The following SENP7 variants were observed in gnomAD, a reference collection of about 807,000 sequenced individuals.
The protein encoded by SENP7 is SUMO specific peptidase 7.
In SENP7, 64 loss-of-function variants were observed where a neutral mutation model predicts 141.2. The observed-to-expected ratio is 0.45, with a 90% CI of 0.37 to 0.56. The LOEUF (loss-of-function observed/expected upper bound fraction) is 0.56, where lower values mean the gene tolerates loss of function less well. Ranked by LOEUF, SENP7 falls within the 20% of genes least tolerant of loss-of-function variation. SENP7 has a pLI of 0.00. For missense variants in SENP7, 1,025 were observed against 1,212.2 expected, an observed-to-expected ratio of 0.85 and a Z score of 2.29; for synonymous variants, 382 against 426.4, an observed-to-expected ratio of 0.90 and a Z score of 1.28.
At chr3:101,356,429 C>T (rs1204286454) in intron 11 of SENP7, among the ~76,000 whole-genome samples, 1 of 152,046 alleles carries the variant, frequency 6.6e-6, no homozygotes, top group East Asian at 1.9e-4. Flanking sequence ...TCATTATTCA[C>T]TTTTCAAAAA....
At chr3:101,464,404 C>T (rs1168454716) in intron 3 of SENP7, among the ~76,000 whole-genome samples, 4 of 152,146 alleles carry the variant, frequency 2.6e-5, no homozygotes, top group Admixed American at 2.0e-4. Flanking sequence ...GAAACTTCAC[C>T]TGTATTTACA....
chr3:101,458,290 T>C (rs1317411612), intron 4 of SENP7, among the ~76,000 whole-genome samples: 2 of 152,228 alleles, frequency 1.3e-5, no homozygotes, highest in African/African-American at 2.4e-5. Context: ...TCTTCTAAAT[T>C]TGTGTGACTT....
intron 13 of SENP7, 88 bp from the exon 14 acceptor site, chr3:101,344,042 G>A: frequency 1.1e-6 from 1 of 932,038 alleles, no homozygotes; most frequent in Non-Finnish European, 1.6e-6. Context: ...TAATAGTAAG[G>A]TTGGAATATA....
intron 17 of SENP7, among the ~76,000 whole-genome samples, chr3:101,334,066 C>G (rs1269871572): frequency 6.6e-6 from 1 of 152,166 alleles, no homozygotes; most frequent in Non-Finnish European, 1.5e-5. Flanking sequence ...TGCCACTGAT[C>G]TGATAGGAGG....
At chr3:101,495,992 C>G (rs999969262) in intron 2 of SENP7, among the ~76,000 whole-genome samples, 3 of 152,104 alleles carry the variant, frequency 2.0e-5, no homozygotes, top group Admixed American at 2.0e-4. Context: ...TATCTACTGA[C>G]CAATGCTTTA....
intron 4 of SENP7, among the ~76,000 whole-genome samples, chr3:101,429,628 T>C (rs765571774): frequency 6.6e-6 from 1 of 152,214 alleles, no homozygotes; most frequent in Non-Finnish European, 1.5e-5. Context: ...AATCATGCCA[T>C]CTGTAAACAG....
At chr3:101,400,303 T>C (rs564601385) in intron 5 of SENP7, among the ~76,000 whole-genome samples, 1 of 152,284 alleles carries the variant, frequency 6.6e-6, no homozygotes, top group East Asian at 1.9e-4. Context: ...AAACAATATA[T>C]AGAAAGAGCC....
At chr3:101,401,993 C>G (rs2061157422) in intron 5 of SENP7, among the ~76,000 whole-genome samples, 1 of 123,742 alleles carries the variant, frequency 8.1e-6, no homozygotes, top group Non-Finnish European at 1.7e-5. Context: ...CAGAATGAGA[C>G]CCTGCCTCAA....
At chr3:101,482,048 T>C (rs925473171) in intron 3 of SENP7, among the ~76,000 whole-genome samples, 2 of 152,090 alleles carry the variant, frequency 1.3e-5, no homozygotes, top group Non-Finnish European at 2.9e-5. Flanking sequence ...CAGTGGCTCA[T>C]GTCTGTAATC....
intron 4 of SENP7, among the ~76,000 whole-genome samples, chr3:101,432,693 C>T (rs2062230341): frequency 1.3e-5 from 2 of 152,234 alleles, no homozygotes; most frequent in Admixed American, 6.5e-5. Flanking sequence ...AAGACAGTAT[C>T]TCTATGAGTC....
chr3:101,330,636 A>G (rs2059024492), intron 19 of SENP7, among the ~76,000 whole-genome samples: 1 of 152,218 alleles, frequency 6.6e-6, no homozygotes, highest in Non-Finnish European at 1.5e-5. Context: ...AGCTAGGCAA[A>G]TTCTCTATAA....
At position 101,366,879 on chromosome 3, in the gene SENP7, T is replaced by C. The variant is rs565255547; in HGVS notation, c.979-110A>G. On this transcript the variant is annotated intron_variant, in intron 8 of 23. Transcript: ENST00000394095. ...ATATTATATCACTTCTATAACTACA[T>C]GGATAGAAAACTAAACAATTATACT... 2.3e-4 allele frequency: 153 copies of C among 669,424 alleles called. No individual in the cohort carries two copies. The African/African-American group carries it at 2.3e-3, about 10-fold the overall frequency. The allele number at this position is 669,424 out of a possible 1,614,324, so 41.5% of individuals were successfully genotyped here.
chr3:101,468,000 GAGA>G (rs1206236813), intron 3 of SENP7, among the ~76,000 whole-genome samples: 1 of 152,170 alleles, frequency 6.6e-6, no homozygotes, highest in Non-Finnish European at 1.5e-5. Flanking sequence ...AAAGAGTGTA[GAGA>G]AGATTTTAAA....
intron 11 of SENP7, among the ~76,000 whole-genome samples, chr3:101,355,798 C>A (rs147483143): frequency 1.3e-5 from 2 of 152,058 alleles, no homozygotes; most frequent in Non-Finnish European, 2.9e-5. Flanking sequence ...AACTGCTTTG[C>A]GCAAGATGGC....
intron 6 of SENP7, among the ~76,000 whole-genome samples, chr3:101,390,153 G>A (rs560952957): frequency 6.8e-6 from 1 of 147,608 alleles, no homozygotes; most frequent in African/African-American, 2.5e-5. Context: ...CTGGGAGGCG[G>A]AAGTTGCAGT....
intron 6 of SENP7, among the ~76,000 whole-genome samples, chr3:101,382,300 C>A (rs944349963): frequency 6.6e-6 from 1 of 152,048 alleles, no homozygotes; most frequent in Non-Finnish European, 1.5e-5. Flanking sequence ...CTTCAGCTTT[C>A]TTAGTAGATA....
At chr3:101,439,598 C>T (rs1251954959) in intron 4 of SENP7, among the ~76,000 whole-genome samples, 58 of 24,182 alleles carry the variant, frequency 2.4e-3, no homozygotes, top group South Asian at 0.011. Flanking sequence ...AGGTGAGGGG[C>T]GCCTCTGCCC....
intron 5 of SENP7, among the ~76,000 whole-genome samples, chr3:101,413,813 G>A (rs1330843868): frequency 6.6e-6 from 1 of 151,886 alleles, no homozygotes; most frequent in African/African-American, 2.4e-5. Flanking sequence ...GCTGAAAATA[G>A]TTCCCTAAAC....
intron 7 of SENP7, among the ~76,000 whole-genome samples, chr3:101,370,138 T>C (rs961413214): frequency 1.3e-5 from 2 of 152,218 alleles, no homozygotes; most frequent in Non-Finnish European, 2.9e-5. Context: ...TAGTGGTACC[T>C]TCAGGGATAC....
Sources: allele counts gnomAD v4.1 joint callset (sites outside exome capture counted in the v4.1 genomes callset), GRCh38; gene constraint gnomAD v4.1.1; transcripts MANE v1.5; gene names NCBI Gene and HGNC (gene_info 2026-07-23, HGNC 2026-07-21).